SLC14A2: variants seen among roughly 807,000 people sequenced by gnomAD.
SLC14A2 encodes urea transporter 2.
A neutral mutation model predicts 104.6 loss-of-function variants in SLC14A2; 91 were observed. The observed-to-expected ratio is 0.87, with a 90% CI of 0.73 to 1.04. The LOEUF (loss-of-function observed/expected upper bound fraction) is 1.04. SLC14A2 is among the 50% of genes least tolerant of loss of function. The pLI is 0.00. For synonymous variants in SLC14A2, 476 were observed against 466.4 expected (o/e 1.02, Z -0.27); for missense variants, 1,189 against 1,156.0 (o/e 1.03, Z -0.41).
chr18:45,649,335 G>A (rs908497623), intron 10 of SLC14A2, among the ~76,000 whole-genome samples: 6 of 151,884 alleles, frequency 4.0e-5, no homozygotes, highest in South Asian at 2.1e-4. Flanking sequence ...CCTCCCCAGC[G>A]CCCCAGTACC....
intron 1 of SLC14A2, among the ~76,000 whole-genome samples, chr18:45,365,756 C>T (rs1415848614): frequency 6.6e-6 from 1 of 152,144 alleles, no homozygotes; most frequent in South Asian, 2.1e-4. Context: ...AAGAGGCCTG[C>T]GTTCAAATCA....
In SLC14A2 at chr18:45,643,113, G is replaced by A; in HGVS notation, c.1127-19G>A. 1.9e-6 allele frequency: 3 copies of A among 1,613,880 alleles called. No individual in the cohort carries two copies. Among genetic ancestry groups the A allele is most frequent in the Non-Finnish European group, 2.5e-6 (3 of 1,179,748 alleles). On this transcript the variant is annotated intron_variant, in intron 8 of 19. Transcript: ENST00000255226. Reference sequence around the variant, plus strand: ...AAGGCCCTGGGAAGCTCACTCTGGTGATCCTTGTTCCTCCACAGCCCTGTT... The same window carrying A: ...AAGGCCCTGGGAAGCTCACTCTGGTAATCCTTGTTCCTCCACAGCCCTGTT...
chr18:45,311,780 C>G (rs1445196251), intron 1 of SLC14A2, among the ~76,000 whole-genome samples: 1 of 152,060 alleles, frequency 6.6e-6, no homozygotes, highest in Non-Finnish European at 1.5e-5. Context: ...GGTGTTGGAA[C>G]CAAAGTAGTG....
At chr18:45,644,215 C>T (rs1387738784) in intron 10 of SLC14A2, 55 bp downstream of exon 10, 5 of 1,562,342 alleles carry the variant, frequency 3.2e-6, no homozygotes, top group Non-Finnish European at 4.4e-6. Context: ...ATGTCCTCTC[C>T]CTGTGTTCTC....
intron 2 of SLC14A2, among the ~76,000 whole-genome samples, chr18:45,562,989 C>T (rs2044220739): frequency 1.3e-5 from 2 of 152,106 alleles, no homozygotes; most frequent in Admixed American, 1.3e-4. Context: ...TATAGTTCCT[C>T]GGGGCTTTTA....
intron 1 of SLC14A2, among the ~76,000 whole-genome samples, chr18:45,442,263 C>T (rs926179174): frequency 1.3e-5 from 2 of 152,170 alleles, no homozygotes; most frequent in African/African-American, 4.8e-5. Context: ...GCTAGCACTG[C>T]CATCACAAAG....
chr18:45,525,176 C>A (rs1325516661), intron 2 of SLC14A2, among the ~76,000 whole-genome samples: 1 of 151,842 alleles, frequency 6.6e-6, no homozygotes, highest in Non-Finnish European at 1.5e-5. Context: ...CCCTTCAGCT[C>A]CTTGTCCATC....
chr18:45,559,467 G>C (rs919450366), intron 2 of SLC14A2, among the ~76,000 whole-genome samples: 1 of 152,190 alleles, frequency 6.6e-6, no homozygotes, highest in Non-Finnish European at 1.5e-5. Flanking sequence ...GCTTGTACAA[G>C]ACAGCCAAAG....
At chr18:45,637,838 T>C (rs2045447226) in intron 6 of SLC14A2, among the ~76,000 whole-genome samples, 1 of 152,188 alleles carries the variant, frequency 6.6e-6, no homozygotes, top group East Asian at 1.9e-4. Flanking sequence ...ATAAGAATTA[T>C]GAGGAGTGTG....
chr18:45,372,763 G>T (rs983972693), intron 1 of SLC14A2, among the ~76,000 whole-genome samples: 1 of 152,068 alleles, frequency 6.6e-6, no homozygotes, highest in Non-Finnish European at 1.5e-5. Context: ...GGAATATAAT[G>T]CAAGCCATGG....
chr18:45,200,779 G>A, the SLC14A2 span, among the ~76,000 whole-genome samples: 1 of 152,066 alleles, frequency 6.6e-6, no homozygotes, highest in Non-Finnish European at 1.5e-5. Flanking sequence ...TTAAAGAATA[G>A]TTTTATACTT....
chr18:45,510,088 G>A (rs2043343443), intron 2 of SLC14A2, among the ~76,000 whole-genome samples: 1 of 152,148 alleles, frequency 6.6e-6, no homozygotes, highest in Non-Finnish European at 1.5e-5. Flanking sequence ...TTCTTTGATG[G>A]ACAACTTCAA....
intron 1 of SLC14A2, among the ~76,000 whole-genome samples, chr18:45,269,434 T>C (rs1024805454): frequency 1.3e-5 from 2 of 152,142 alleles, no homozygotes; most frequent in Admixed American, 6.5e-5. Flanking sequence ...ATAGTGCTAA[T>C]GTCCACAGCC....
At chr18:45,542,696 C>A (rs1477294238) in intron 2 of SLC14A2, among the ~76,000 whole-genome samples, 3 of 152,100 alleles carry the variant, frequency 2.0e-5, no homozygotes, top group African/African-American at 4.8e-5. Context: ...TAGCTCAAAT[C>A]TCTTACTTCA....
Position 45,624,745 on chromosome 18 carries a change from C to T in SLC14A2, c.81C>T (p.Ser27=). 1.9e-6 allele frequency: 3 copies of T among 1,613,542 alleles called. No individual in the cohort carries two copies. Among genetic ancestry groups the T allele is most frequent in the Non-Finnish European group, 2.5e-6 (3 of 1,179,778 alleles). Residue 27 remains serine (S), a synonymous_variant, in exon 2 of 20, where the codon AGC becomes AGT. Transcript: ENST00000255226. The part of the protein sequence containing the change: ...RYKLYEAEFT[S]PSWPSTSPDT... The stretch of plus-strand genomic sequence containing the variant: ...AACTCTACGAGGCAGAGTTTACCAG[C>T]CCGAGCTGGCCCTCGACATCCCCGG...
At chr18:45,464,683 C>A (rs2087107927) in intron 1 of SLC14A2, among the ~76,000 whole-genome samples, 1 of 152,208 alleles carries the variant, frequency 6.6e-6, no homozygotes, top group Admixed American at 6.5e-5. Context: ...AATCTGCCCA[C>A]TGTCAGTTCC....
chr18:45,454,561 G>T (rs1484393733), intron 1 of SLC14A2, among the ~76,000 whole-genome samples: 2 of 152,102 alleles, frequency 1.3e-5, no homozygotes, highest in African/African-American at 4.8e-5. Flanking sequence ...TGGTATTTTA[G>T]ACATGAAGTC....
At chr18:45,289,990 A>G (rs2084853623) in intron 1 of SLC14A2, among the ~76,000 whole-genome samples, 1 of 152,236 alleles carries the variant, frequency 6.6e-6, no homozygotes, top group African/African-American at 2.4e-5. Flanking sequence ...TGAGTTATTG[A>G]TAATAACTTT....
At chr18:45,278,526 G>A (rs1335486628) in intron 1 of SLC14A2, among the ~76,000 whole-genome samples, 1 of 152,128 alleles carries the variant, frequency 6.6e-6, no homozygotes, top group Non-Finnish European at 1.5e-5. Flanking sequence ...AATAAACTTG[G>A]CTCACCCATA....
Sources: gnomAD v4.1 joint callset for allele counts (sites outside exome capture counted in the v4.1 genomes callset) on GRCh38, gnomAD v4.1.1 for gene constraint, MANE v1.5 for transcripts, NCBI Gene and HGNC (gene_info 2026-07-23, HGNC 2026-07-21) for gene names.